The following PTPRT variants were observed in gnomAD, a reference collection of about 807,000 sequenced individuals.
The protein encoded by PTPRT is receptor-type tyrosine-protein phosphatase T.
Under a neutral mutation model 176.8 loss-of-function variants are expected in PTPRT, and 56 were observed. The observed-to-expected ratio is 0.32, with a 90% CI of 0.26 to 0.40. The LOEUF is 0.40. Among genes scored for constraint, PTPRT ranks in the 10% least tolerant of loss-of-function variants. The probability of loss-of-function intolerance (pLI) is 1.00; values close to 1 mark genes in which losing one functional copy is unlikely to be tolerated. For synonymous variants in PTPRT, 783 were observed against 739.0 expected, an observed-to-expected ratio of 1.06 and a Z score of -0.96; for missense variants, 1,540 against 1,908.2, an observed-to-expected ratio of 0.81 and a Z score of 3.60.
intron 7 of PTPRT, among the ~76,000 whole-genome samples, chr20:42,519,423 C>T (rs1276827149): frequency 2.0e-5 from 3 of 152,128 alleles, no homozygotes; most frequent in African/African-American, 7.2e-5. Context: ...GTGCAATGAA[C>T]ACTCACATGC....
chr20:42,432,549 G>C (rs1006326082), intron 9 of PTPRT, among the ~76,000 whole-genome samples: 1 of 152,078 alleles, frequency 6.6e-6, no homozygotes, highest in African/African-American at 2.4e-5. Flanking sequence ...TGGATTTTAG[G>C]CACAATTGAC....
chr20:42,383,871 G>T (rs112579804), intron 9 of PTPRT, among the ~76,000 whole-genome samples: 5 of 152,150 alleles, frequency 3.3e-5, no homozygotes, highest in Non-Finnish European at 7.3e-5. Flanking sequence ...ATAATTGAAA[G>T]GATTCTCCAG....
intron 2 of PTPRT, among the ~76,000 whole-genome samples, chr20:42,811,007 G>C (rs572586552): frequency 5.1e-4 from 78 of 152,116 alleles, no homozygotes; most frequent in Non-Finnish European, 9.3e-4. Flanking sequence ...AGAAAATTGA[G>C]AAAGCTACAA....
chr20:43,155,464 A>G (rs1451895136), intron 1 of PTPRT, among the ~76,000 whole-genome samples: 1 of 152,194 alleles, frequency 6.6e-6, no homozygotes, highest in Non-Finnish European at 1.5e-5. Context: ...TCATATGTGG[A>G]ATCTAAAAAA....
intron 3 of PTPRT, among the ~76,000 whole-genome samples, chr20:42,786,681 C>T (rs1265964491): frequency 6.6e-6 from 1 of 152,156 alleles, no homozygotes; most frequent in African/African-American, 2.4e-5. Flanking sequence ...TTTTCTTGTT[C>T]ATTGTACTTC....
chr20:42,816,857 T>C (rs1041100943), intron 2 of PTPRT, among the ~76,000 whole-genome samples: 13 of 152,120 alleles, frequency 8.5e-5, no homozygotes, highest in Non-Finnish European at 5.9e-5. Flanking sequence ...TAACCAATCA[T>C]GAAAGGCAAG....
chr20:42,224,994 G>C (rs926440025), intron 15 of PTPRT, among the ~76,000 whole-genome samples: 2 of 152,084 alleles, frequency 1.3e-5, no homozygotes, highest in Non-Finnish European at 2.9e-5. Flanking sequence ...TCTGCCCACC[G>C]GTCTACAGAG....
Position 42,621,393 on chromosome 20 carries a change from C to T in PTPRT, c.1153+56473G>A, listed in dbSNP as rs186410031. 9.2e-5 allele frequency among the ~76,000 whole-genome samples: 14 copies of T among 152,352 alleles called. No homozygotes were observed. In the East Asian group the frequency reaches 2.1e-3, roughly 23 times the overall value. On this transcript the variant is annotated intron_variant, in intron 7 of 30. Coordinates refer to ENST00000373187, the MANE Select transcript of PTPRT (RefSeq NM_007050.6). The stretch of plus-strand genomic sequence containing the variant: ...TCTCTCCAACAACCTCCTGTCCCCA[C>T]CACATAGCCAAATTCATCAAAAGAG...
intron 27 of PTPRT, among the ~76,000 whole-genome samples, chr20:42,095,388 C>A (rs1375518942): frequency 1.3e-5 from 2 of 152,200 alleles, no homozygotes; most frequent in African/African-American, 4.8e-5. Flanking sequence ...AGTTGTGCTG[C>A]TCTGCCCATG....
chr20:42,821,040 G>A (rs2077884014), intron 2 of PTPRT, among the ~76,000 whole-genome samples: 1 of 152,078 alleles, frequency 6.6e-6, no homozygotes, highest in South Asian at 2.1e-4. Context: ...TGAAAAGGAG[G>A]GACTCCTCCC....
intron 1 of PTPRT, among the ~76,000 whole-genome samples, chr20:42,996,892 C>G (rs1984251585): frequency 6.6e-6 from 1 of 152,152 alleles, no homozygotes; most frequent in African/African-American, 2.4e-5. Context: ...AAAGATTAAA[C>G]AAGTCAATAG....
At chr20:42,637,025 G>C (rs896450453) in intron 7 of PTPRT, among the ~76,000 whole-genome samples, 3 of 152,056 alleles carry the variant, frequency 2.0e-5, no homozygotes, top group Admixed American at 1.3e-4. Flanking sequence ...TGAGGAGAGA[G>C]AGCACACAGC....
chr20:42,916,520 G>C (rs887295630), intron 1 of PTPRT, among the ~76,000 whole-genome samples: 1 of 152,170 alleles, frequency 6.6e-6, no homozygotes, highest in Middle Eastern at 3.2e-3. Flanking sequence ...TCTAGTTCTA[G>C]ATCCCTGAGG....
intron 15 of PTPRT, among the ~76,000 whole-genome samples, chr20:42,206,722 GC>G (rs2055476754): frequency 6.6e-6 from 1 of 152,248 alleles, no homozygotes; most frequent in Non-Finnish European, 1.5e-5. Context: ...ACCCGCCATT[GC>G]CCAGGCTTGC....
intron 8 of PTPRT, among the ~76,000 whole-genome samples, chr20:42,454,859 T>A (rs2070892732): frequency 6.6e-6 from 1 of 152,224 alleles, no homozygotes; most frequent in African/African-American, 2.4e-5. Flanking sequence ...TAATGCTTAC[T>A]GCAAAGTACA....
chr20:42,620,283 AG>A (rs1043211938), intron 7 of PTPRT, among the ~76,000 whole-genome samples: 1 of 149,720 alleles, frequency 6.7e-6, no homozygotes, highest in Non-Finnish European at 1.5e-5. Flanking sequence ...CCACTTGAGG[AG>A]GCAGTCTGCC....
chr20:42,960,944 A>C (rs987022892), intron 1 of PTPRT, among the ~76,000 whole-genome samples: 1 of 152,200 alleles, frequency 6.6e-6, no homozygotes, highest in Admixed American at 6.5e-5. Context: ...TTAAATAAGA[A>C]TGAAGTATGC....
intron 9 of PTPRT, among the ~76,000 whole-genome samples, chr20:42,407,081 T>G (rs1276403936): frequency 6.6e-6 from 1 of 152,184 alleles, no homozygotes; most frequent in Non-Finnish European, 1.5e-5. Context: ...CACATTTCCC[T>G]GGTCTTAATG....
At chr20:43,080,834 C>T (rs1002405256) in intron 1 of PTPRT, among the ~76,000 whole-genome samples, 3 of 152,268 alleles carry the variant, frequency 2.0e-5, no homozygotes, top group South Asian at 2.1e-4. Flanking sequence ...AGTGAGAAGT[C>T]GAACCACAAG....
Sources: gnomAD v4.1 joint callset for allele counts (sites outside exome capture counted in the v4.1 genomes callset) on GRCh38, gnomAD v4.1.1 for gene constraint, MANE v1.5 for transcripts, NCBI Gene and HGNC (gene_info 2026-07-23, HGNC 2026-07-21) for gene names.